SUCLG2: variants seen among roughly 807,000 people sequenced by gnomAD.
SUCLG2 encodes succinate-CoA ligase GDP-forming subunit beta.
SUCLG2 carries 42 observed loss-of-function variants against 47.9 expected under a neutral mutation model. The ratio of observed to expected loss-of-function variants is 0.88; its 90% CI spans 0.69 to 1.14. SUCLG2 has a LOEUF of 1.14. Ranked by LOEUF, SUCLG2 falls within the 50% of genes most tolerant of loss-of-function variation. SUCLG2 has a pLI of 0.00. For missense variants in SUCLG2, 571 were observed against 525.9 expected (o/e 1.09, Z -0.84); for synonymous variants, 195 against 197.3 (o/e 0.99, Z 0.10).
At chr3:67,653,113 A>G (rs150164350) in intron 1 of SUCLG2, among the ~76,000 whole-genome samples, 4 of 152,282 alleles carry the variant, frequency 2.6e-5, no homozygotes, top group African/African-American at 9.6e-5. Flanking sequence ...TTTCAGCTAA[A>G]CACTCTGCAT....
chr3:67,582,739 T>C (rs915959243), intron 2 of SUCLG2, among the ~76,000 whole-genome samples: 1 of 152,064 alleles, frequency 6.6e-6, no homozygotes, highest in African/African-American at 2.4e-5. Context: ...ACCAGCAGTG[T>C]ATAAGTGTTC....
chr3:67,571,157 T>C (rs1321706279), intron 2 of SUCLG2, among the ~76,000 whole-genome samples: 3 of 152,120 alleles, frequency 2.0e-5, no homozygotes, highest in Non-Finnish European at 2.9e-5. Flanking sequence ...ATTCTAAACC[T>C]GAGGAAATTT....
chr3:67,518,190 G>A lies in SUCLG2; in HGVS notation c.660+57C>T, dbSNP rs1356373765. 9 of 1,415,300 alleles carry A rather than the reference G, an allele frequency of 6.4e-6. No homozygotes were observed. The African/African-American group carries it at 1.3e-4, about 20-fold the overall frequency. The allele number at this position is 1,415,300 out of a possible 1,614,324, so 87.7% of individuals were successfully genotyped here. ...ACAAACACTAGAGGCAATGAAGCAAGTTCCCAAATGTTTTCTGAAACAAGT... is the reference window on the plus strand; with the variant it reads ...ACAAACACTAGAGGCAATGAAGCAAATTCCCAAATGTTTTCTGAAACAAGT... On this transcript the variant is annotated intron_variant, in intron 6 of 10. Coordinates refer to ENST00000307227, the MANE Select transcript of SUCLG2 (RefSeq NM_003848.4).
chr3:67,586,583 GTAA>G (rs1575797929), intron 2 of SUCLG2, among the ~76,000 whole-genome samples: 1 of 152,166 alleles, frequency 6.6e-6, no homozygotes, highest in African/African-American at 2.4e-5. Context: ...TTAAAAGTAA[GTAA>G]AGTAAGTATT....
At chr3:67,428,876 T>C (rs1443440875) in intron 9 of SUCLG2, among the ~76,000 whole-genome samples, 1 of 151,888 alleles carries the variant, frequency 6.6e-6, no homozygotes, top group Non-Finnish European at 1.5e-5. Context: ...ATGAATGAAA[T>C]GAAGCGAGAA....
chr3:67,444,402 C>T (rs1333167885), intron 9 of SUCLG2, among the ~76,000 whole-genome samples: 2 of 27,558 alleles, frequency 7.3e-5, no homozygotes, highest in African/African-American at 2.7e-4. Context: ...CAGCCCTCCG[C>T]CCGGCCAGCC....
chr3:67,462,806 G>A (rs373846322), intron 9 of SUCLG2, among the ~76,000 whole-genome samples: 28 of 152,168 alleles, frequency 1.8e-4, no homozygotes, highest in Non-Finnish European at 3.4e-4. Flanking sequence ...GAAGTGAGGC[G>A]TGGTTTTGTG....
chr3:67,635,569 A>G (rs1458106882), intron 1 of SUCLG2, among the ~76,000 whole-genome samples: 1 of 152,128 alleles, frequency 6.6e-6, no homozygotes, highest in Non-Finnish European at 1.5e-5. Context: ...TGTGTTGTTC[A>G]TGAAATACCT....
intron 2 of SUCLG2, among the ~76,000 whole-genome samples, chr3:67,546,806 C>A (rs896167509): frequency 2.6e-5 from 4 of 152,072 alleles, no homozygotes; most frequent in African/African-American, 9.7e-5. Context: ...GAGGCTGAGG[C>A]AGGAGAATTG....
intron 2 of SUCLG2, among the ~76,000 whole-genome samples, chr3:67,588,967 C>A (rs969838240): frequency 9.2e-5 from 14 of 152,300 alleles, no homozygotes; most frequent in African/African-American, 3.1e-4. Flanking sequence ...ATCCAAGCCC[C>A]TTACAGGGTC....
chr3:67,649,308 A>C (rs1559612587), intron 1 of SUCLG2, among the ~76,000 whole-genome samples: 2 of 152,212 alleles, frequency 1.3e-5, no homozygotes, highest in East Asian at 1.9e-4. Flanking sequence ...TGCCCTCTGA[A>C]GGTAGGAGCT....
At chr3:67,436,100 T>C (rs1703614443) in intron 9 of SUCLG2, among the ~76,000 whole-genome samples, 1 of 152,168 alleles carries the variant, frequency 6.6e-6, no homozygotes. Context: ...CAGAAAGATA[T>C]GAAATGAAGT....
At chr3:67,467,277 A>T (rs1265735215) in intron 9 of SUCLG2, among the ~76,000 whole-genome samples, 3 of 152,372 alleles carry the variant, frequency 2.0e-5, no homozygotes, top group African/African-American at 7.2e-5. Context: ...ACATCAAAAC[A>T]GCAGCTCTAG....
intron 2 of SUCLG2, among the ~76,000 whole-genome samples, chr3:67,534,352 G>T (rs190266385): frequency 2.6e-5 from 4 of 151,786 alleles, no homozygotes; most frequent in Non-Finnish European, 5.9e-5. Context: ...TGCTTTCGAC[G>T]GAATAATTTT....
chr3:67,638,199 T>C (rs1243433704), intron 1 of SUCLG2, among the ~76,000 whole-genome samples: 9 of 152,168 alleles, frequency 5.9e-5, no homozygotes, highest in Admixed American at 5.2e-4. Context: ...CAGTTTCCTC[T>C]TGTGTAAAAT....
chr3:67,505,138 T>C (rs895605038), intron 7 of SUCLG2, among the ~76,000 whole-genome samples: 2 of 152,100 alleles, frequency 1.3e-5, no homozygotes, highest in Admixed American at 1.3e-4. Context: ...TCAATGAGAA[T>C]CATTTGAAGG....
intron 1 of SUCLG2, among the ~76,000 whole-genome samples, chr3:67,633,524 T>G (rs1700960529): frequency 6.6e-6 from 1 of 152,332 alleles, no homozygotes; most frequent in African/African-American, 2.4e-5. Flanking sequence ...TATAAAATAA[T>G]GTAACAGGCA....
At chr3:67,636,557 T>G (rs891513768) in intron 1 of SUCLG2, among the ~76,000 whole-genome samples, 8 of 152,120 alleles carry the variant, frequency 5.3e-5, no homozygotes, top group African/African-American at 1.7e-4. Flanking sequence ...TTTCACCGTG[T>G]TAGCCAGGAT....
intron 9 of SUCLG2, among the ~76,000 whole-genome samples, chr3:67,448,145 T>G (rs963221870): frequency 6.6e-6 from 1 of 152,218 alleles, no homozygotes; most frequent in African/African-American, 2.4e-5. Context: ...ATAGATGATA[T>G]TCACTGGATG....
Sources: gnomAD v4.1 joint callset for allele counts (sites outside exome capture counted in the v4.1 genomes callset) on GRCh38, gnomAD v4.1.1 for gene constraint, MANE v1.5 for transcripts, NCBI Gene and HGNC (gene_info 2026-07-23, HGNC 2026-07-21) for gene names.